The following PACS2 variants were observed in gnomAD, a reference collection of about 807,000 sequenced individuals.
The protein encoded by PACS2 is phosphofurin acidic cluster sorting protein 2, also known as PACS1-like protein.
In PACS2, 36 loss-of-function variants were observed where a neutral mutation model predicts 113.0. The observed-to-expected ratio is 0.32, with a 90% CI of 0.24 to 0.42. The LOEUF (loss-of-function observed/expected upper bound fraction) is 0.42, where lower values mean the gene tolerates loss of function less well. PACS2 is among the 10% of genes least tolerant of loss of function. The pLI is 1.00. For missense variants in PACS2, 1,015 were observed against 1,239.5 expected (o/e 0.82, Z 2.72); for synonymous variants, 589 against 536.1 (o/e 1.10, Z -1.36).
At chr14:105,326,857 T>G (rs587599166) in intron 1 of PACS2, among the ~76,000 whole-genome samples, 387 of 152,288 alleles carry the variant, frequency 2.5e-3, no homozygotes, top group South Asian at 0.015. Context: ...CTGGGTGGCC[T>G]CCAGTCACCG....
At chr14:105,379,032 A>T (rs1326750596) in intron 9 of PACS2, among the ~76,000 whole-genome samples, 4 of 150,446 alleles carry the variant, frequency 2.7e-5, no homozygotes, top group Admixed American at 2.6e-4. Context: ...ATAGGCCTGG[A>T]TGGTCGGGAA....
chr14:105,364,934 GCCATCCACCTGCCTCAA>G (rs2060892226), intron 4 of PACS2, among the ~76,000 whole-genome samples: 2 of 152,146 alleles, frequency 1.3e-5, no homozygotes, highest in African/African-American at 4.8e-5. Flanking sequence ...CTGAGCTCAA[GCCATCCACCTGCCTCAA>G]CCTCCCAAAG....
At chr14:105,337,138 A>G (rs1217653629) in intron 1 of PACS2, among the ~76,000 whole-genome samples, 1 of 152,224 alleles carries the variant, frequency 6.6e-6, no homozygotes, top group Non-Finnish European at 1.5e-5. Context: ...ACGTGGATGG[A>G]ACTTGAGTAT....
In PACS2 at chr14:105,358,169, T is replaced by C. The variant is rs587595680; in HGVS notation, c.423+2992T>C. Among the ~76,000 whole-genome samples, 25 of 152,310 alleles carry C rather than the reference T, an allele frequency of 1.6e-4. No individual in the cohort carries two copies. The East Asian group carries it at 3.7e-3, about 22-fold the overall frequency. ...TGAGCTGAGGCCCAGAGCCCTGGAC[T>C]TACTCTGAGGCTGAGGAAGTGGAGT... On this transcript the variant is annotated intron_variant, in intron 4 of 24. Coordinates refer to ENST00000447393, the MANE Select transcript of PACS2 (RefSeq NM_001100913.3). The surrounding 1 kb of genome is among the most constrained non-coding windows in gnomAD (Gnocchi z 4.9).
At chr14:105,334,299 A>C (rs2059418277) in intron 1 of PACS2, among the ~76,000 whole-genome samples, 1 of 152,174 alleles carries the variant, frequency 6.6e-6, no homozygotes, top group Non-Finnish European at 1.5e-5. Context: ...ACCCCACCTG[A>C]CTCCAGGGCA....
intron 9 of PACS2, among the ~76,000 whole-genome samples, chr14:105,378,467 T>A (rs587753895): frequency 1.3e-5 from 2 of 152,354 alleles, no homozygotes; most frequent in South Asian, 2.1e-4. Context: ...TAGAGTGTAG[T>A]TGTGCAGTCG....
upstream of PACS2, among the ~76,000 whole-genome samples, chr14:105,312,949 C>T (rs1421112347): frequency 2.0e-5 from 3 of 152,212 alleles, no homozygotes; most frequent in Non-Finnish European, 4.4e-5. Flanking sequence ...CCCCTGGCAG[C>T]TGCATAACCT....
In PACS2 at chr14:105,314,873, C is replaced by T. The variant is rs2058496968; in HGVS notation, c.-46C>T. On this transcript the variant is annotated 5_prime_UTR_variant, in exon 1 of 25. Coordinates refer to ENST00000447393, the MANE Select transcript of PACS2 (RefSeq NM_001100913.3). ...CGGCCCGCCCGCCGCGCGTCCGCGG[C>T]CCGGCCGCAGCCCCAGGCCGCCGAG... The T allele has an allele frequency of 1.1e-6, 1 of 914,226 alleles. No homozygotes were observed. Among genetic ancestry groups the T allele is most frequent in the Admixed American group, 6.5e-5 (1 of 15,478 alleles). 56.6% of individuals were successfully genotyped at this position (914,226 alleles called of 1,614,324 possible). A position where few individuals can be genotyped will look rare whatever the true frequency, so the allele number is the denominator to read the frequency against.
intron 1 of PACS2, among the ~76,000 whole-genome samples, chr14:105,322,428 T>C (rs2058931873): frequency 1.3e-5 from 2 of 149,182 alleles, no homozygotes; most frequent in South Asian, 4.3e-4. Context: ...CGCACCCGGC[T>C]CATTTTTTTG....
At position 105,355,822 on chromosome 14, in the gene PACS2, G is replaced by T. The variant is rs1323306935; in HGVS notation, c.423+645G>T. On this transcript the variant is annotated intron_variant, in intron 4 of 24. Transcript: ENST00000447393. This position sits in a 1 kb window ranked among gnomAD's most constrained non-coding sequence, Gnocchi z 4.1. The stretch of plus-strand genomic sequence containing the variant: ...GGGGGCCTGGGAGAAGACACCCCAG[G>T]CTGAGGCCTCGGACTTTCTCATGGA... Among the ~76,000 whole-genome samples, 1 of 152,140 alleles carries T rather than the reference G, an allele frequency of 6.6e-6. No homozygotes were observed. Among genetic ancestry groups the T allele is most frequent in the African/African-American group, 2.4e-5 (1 of 41,432 alleles).
chr14:105,370,065 T>TGC, intron 8 of PACS2, 165 bp downstream of exon 8: 1 of 612,926 alleles, frequency 1.6e-6, no homozygotes, highest in South Asian at 2.0e-5. Flanking sequence ...ACAGTGGCAC[T>TGC]GCCTCCCGGG....
rs980558546 is a variant in PACS2, at chr14:105,321,210, T to G, written c.119+6173T>G. Among the ~76,000 whole-genome samples the G allele has an allele frequency of 2.6e-5, 4 of 152,226 alleles. 1 individual carries two copies. Among genetic ancestry groups the G allele is most frequent in the Admixed American group, 2.0e-4 (3 of 15,276 alleles). ...CTTAAAAGGAATGTGTGTTTGGCAG[T>G]TGATGGTGCAGTGTTTGTCTATTAG... On this transcript the variant is annotated intron_variant, in intron 1 of 24. Coordinates refer to ENST00000447393, the MANE Select transcript of PACS2 (RefSeq NM_001100913.3).
At chr14:105,370,206 G>A in intron 8 of PACS2, 1 of 270,276 alleles carries the variant, frequency 3.7e-6, no homozygotes. Context: ...TTAGTTTTTA[G>A]AGCAGTTTTA....
chr14:105,391,846 T>G (rs1555415019), intron 22 of PACS2, 80 bp downstream of exon 22: 2 of 1,380,898 alleles, frequency 1.4e-6, no homozygotes, highest in Non-Finnish European at 2.0e-6. Flanking sequence ...CTCCCCTATG[T>G]CACATCCACC....
intron 4 of PACS2, among the ~76,000 whole-genome samples, chr14:105,363,743 A>G (rs587594852): frequency 6.6e-6 from 1 of 152,162 alleles, no homozygotes; most frequent in East Asian, 1.9e-4. Context: ...TTGGTGATTT[A>G]GTATAAGGGG....
intron 4 of PACS2, among the ~76,000 whole-genome samples, chr14:105,363,536 T>C (rs1555407156): frequency 6.6e-6 from 1 of 152,192 alleles, no homozygotes; most frequent in African/African-American, 2.4e-5. Context: ...TCTCTCAGCC[T>C]TCACAGAGGT....
chr14:105,324,701 T>C lies in PACS2; in HGVS notation c.119+9664T>C, dbSNP rs2059029444. Among the ~76,000 whole-genome samples, 1 of 152,162 alleles carries C rather than the reference T, an allele frequency of 6.6e-6. No homozygotes were observed. Among genetic ancestry groups the C allele is most frequent in the Admixed American group, 6.5e-5 (1 of 15,284 alleles). The stretch of plus-strand genomic sequence containing the variant: ...GCAGCTCCTCGAGGGCTCCGGCCTG[T>C]GGAGGCCGGTGGCGCCCCGTCTCAC... On this transcript the variant is annotated intron_variant, in intron 1 of 24. Coordinates refer to ENST00000447393, the MANE Select transcript of PACS2 (RefSeq NM_001100913.3). The surrounding 1 kb of genome is among the most constrained non-coding windows in gnomAD (Gnocchi z 4.7).
intron 9 of PACS2, among the ~76,000 whole-genome samples, chr14:105,377,423 G>A (rs1260754295): frequency 6.6e-6 from 1 of 152,136 alleles, no homozygotes; most frequent in Non-Finnish European, 1.5e-5. Flanking sequence ...TGGGCAGGAG[G>A]AGAGGATGCA....
chr14:105,384,143 T>C, intron 16 of PACS2: 1 of 550,400 alleles, frequency 1.8e-6, no homozygotes, highest in Non-Finnish European at 3.3e-6. Flanking sequence ...CTCTGGGACC[T>C]CAGCTCAGGG....
Sources: allele counts gnomAD v4.1 joint callset (sites outside exome capture counted in the v4.1 genomes callset), GRCh38; gene constraint gnomAD v4.1.1; non-coding constraint Gnocchi (gnomAD v3.1); transcripts MANE v1.5; gene names NCBI Gene and HGNC (gene_info 2026-07-23, HGNC 2026-07-21).